The following NXPE2 variants were observed in gnomAD, a reference collection of about 807,000 sequenced individuals.
The protein encoded by NXPE2 is NXPE family member 2.
Under a neutral mutation model 34.4 loss-of-function variants are expected in NXPE2, and 34 were observed. The ratio of observed to expected loss-of-function variants is 0.99; its 90% confidence interval spans 0.75 to 1.31. The LOEUF (loss-of-function observed/expected upper bound fraction) is 1.31. Ranked by LOEUF, NXPE2 falls within the 40% of genes most tolerant of loss-of-function variation. The pLI is 0.00. For synonymous variants in NXPE2, 235 were observed against 231.3 expected (o/e 1.02, Z -0.15); for missense variants, 649 against 672.5 (o/e 0.97, Z 0.39).
the NXPE2 span, among the ~76,000 whole-genome samples, chr11:114,737,818 C>T: frequency 6.6e-6 from 1 of 152,134 alleles, no homozygotes; most frequent in East Asian, 1.9e-4. Context: ...CGCAGTGGCT[C>T]ACACCTGTAA....
At chr11:114,730,763 C>T in the NXPE2 span, among the ~76,000 whole-genome samples, 2 of 152,128 alleles carry the variant, frequency 1.3e-5, no homozygotes, top group Non-Finnish European at 1.5e-5. Flanking sequence ...TGAAACTTTA[C>T]TGAAGTTGTT....
At chr11:114,577,323 C>T in the NXPE2 span, among the ~76,000 whole-genome samples, 1 of 151,658 alleles carries the variant, frequency 6.6e-6, no homozygotes, top group Admixed American at 6.6e-5. Context: ...ATCGTATGTT[C>T]TCACTCATAT....
the NXPE2 span, among the ~76,000 whole-genome samples, chr11:114,639,230 G>A: frequency 1.3e-5 from 2 of 151,266 alleles, no homozygotes; most frequent in South Asian, 2.1e-4. Flanking sequence ...ACTGCTGTGC[G>A]AGCAATCAGC....
At chr11:114,473,134 G>T in the NXPE2 span, among the ~76,000 whole-genome samples, 1 of 152,268 alleles carries the variant, frequency 6.6e-6, no homozygotes, top group South Asian at 2.1e-4. Flanking sequence ...TTTTCTGAGG[G>T]TCTCCCCAAA....
the NXPE2 span, among the ~76,000 whole-genome samples, chr11:114,643,811 T>C: frequency 3.3e-5 from 5 of 152,150 alleles, no homozygotes; most frequent in East Asian, 7.7e-4. Flanking sequence ...AAGTCTGTGG[T>C]AGCTTGATGG....
chr11:114,640,349 G>A, the NXPE2 span, among the ~76,000 whole-genome samples: 2 of 147,508 alleles, frequency 1.4e-5, no homozygotes, highest in Non-Finnish European at 3.0e-5. Context: ...ATATATAAAT[G>A]TAGCATATAT....
chr11:114,747,629 AG>A, the NXPE2 span, among the ~76,000 whole-genome samples: 5 of 152,148 alleles, frequency 3.3e-5, no homozygotes, highest in Non-Finnish European at 7.4e-5. Flanking sequence ...AGAGAGGGCA[AG>A]GGGGGAACTG....
chr11:114,611,634 C>T, the NXPE2 span, among the ~76,000 whole-genome samples: 2 of 151,790 alleles, frequency 1.3e-5, no homozygotes, highest in Admixed American at 6.6e-5. Context: ...AGTGTTACCT[C>T]GTGTGTAGCC....
the NXPE2 span, among the ~76,000 whole-genome samples, chr11:114,812,766 G>A: frequency 2.6e-5 from 4 of 152,162 alleles, no homozygotes; most frequent in Non-Finnish European, 5.9e-5. Flanking sequence ...AGATAGTGGT[G>A]TTGCTGGGAA....
At chr11:114,698,850 T>C (rs1951313755) in intron 3 of NXPE2, 72 bp downstream of exon 3, 2 of 1,374,486 alleles carry the variant, frequency 1.5e-6, no homozygotes, top group African/African-American at 2.9e-5. Flanking sequence ...TAGTTTTGCC[T>C]AATCAAACTT....
chr11:114,739,277 TATTTTC>T, the NXPE2 span, among the ~76,000 whole-genome samples: 2 of 149,296 alleles, frequency 1.3e-5, no homozygotes, highest in Non-Finnish European at 3.0e-5. Flanking sequence ...TTATTGCCAT[TATTTTC>T]CTTCCTTCCT....
the NXPE2 span, among the ~76,000 whole-genome samples, chr11:114,632,481 T>A: frequency 7.8e-6 from 1 of 127,586 alleles, no homozygotes; most frequent in Non-Finnish European, 1.6e-5. Flanking sequence ...TACTATATAA[T>A]ACTCCATAAT....
the NXPE2 span, among the ~76,000 whole-genome samples, chr11:114,791,474 T>C: frequency 6.6e-6 from 1 of 152,218 alleles, no homozygotes; most frequent in East Asian, 1.9e-4. Flanking sequence ...CAGAGATCTC[T>C]GTGCCTCTGG....
chr11:114,689,217 G>T (rs1375318830), intron 2 of NXPE2, among the ~76,000 whole-genome samples: 1 of 152,000 alleles, frequency 6.6e-6, no homozygotes, highest in African/African-American at 2.4e-5. Flanking sequence ...TTGATGCAGG[G>T]ATTTAGCACT....
the NXPE2 span, among the ~76,000 whole-genome samples, chr11:114,589,733 G>A: frequency 6.6e-6 from 1 of 152,104 alleles, no homozygotes; most frequent in East Asian, 1.9e-4. Flanking sequence ...CCTAATCGGA[G>A]ACAATATCCC....
the NXPE2 span, among the ~76,000 whole-genome samples, chr11:114,623,212 A>C: frequency 0.012 from 1,866 of 151,958 alleles, 34 homozygotes; most frequent in African/African-American, 0.041. Flanking sequence ...TACCCAGTGG[A>C]TCATAAATAT....
the NXPE2 span, among the ~76,000 whole-genome samples, chr11:114,806,765 C>T: frequency 6.6e-6 from 1 of 151,824 alleles, no homozygotes; most frequent in African/African-American, 2.4e-5. Flanking sequence ...GGAAAACACT[C>T]TGCAGGATAT....
the NXPE2 span, among the ~76,000 whole-genome samples, chr11:114,539,230 C>A: frequency 7.0e-6 from 1 of 143,072 alleles, no homozygotes; most frequent in Non-Finnish European, 1.5e-5. Flanking sequence ...GGGAATTGAA[C>A]AATGAGAACA....
At chr11:114,790,318 A>G in the NXPE2 span, among the ~76,000 whole-genome samples, 1 of 152,162 alleles carries the variant, frequency 6.6e-6, no homozygotes, top group Non-Finnish European at 1.5e-5. Flanking sequence ...GTCAGACCCT[A>G]CAGTTGTCCT....
Sources: gnomAD v4.1 joint callset for allele counts (sites outside exome capture counted in the v4.1 genomes callset) on GRCh38, gnomAD v4.1.1 for gene constraint, MANE v1.5 for transcripts, NCBI Gene and HGNC (gene_info 2026-07-23, HGNC 2026-07-21) for gene names.